Variants in HIVEP3 observed in about 807,000 individuals in gnomAD.
HIVEP3 encodes HIVEP zinc finger 3.
Under a neutral mutation model 152.8 loss-of-function variants are expected in HIVEP3, and 49 were observed. That is an observed-to-expected ratio of 0.32 (90% CI 0.26 to 0.41). HIVEP3 has a LOEUF of 0.41. Among genes scored for constraint, HIVEP3 ranks in the 10% least tolerant of loss-of-function variants. HIVEP3 has a pLI of 1.00. For missense variants in HIVEP3, 2,790 were observed against 3,103.3 expected (o/e 0.90, Z 2.40); for synonymous variants, 1,269 against 1,289.0 (o/e 0.98, Z 0.33).
At chr1:41,586,514 G>GAGCATCTCTGTGCTTGCTTTTTCTCCT (rs71577644) in intron 3 of HIVEP3, among the ~76,000 whole-genome samples, 3,584 of 152,266 alleles carry the variant, frequency 0.024, 62 homozygotes, top group Middle Eastern at 0.082. Context: ...GGTGAGTGAT[G>GAGCATCTCTGTGCTTGCTTTTTCTCCT]AGCATCTCTG....
intron 1 of HIVEP3, among the ~76,000 whole-genome samples, chr1:41,785,886 C>T (rs1649319289): frequency 6.6e-6 from 1 of 152,192 alleles, no homozygotes; most frequent in African/African-American, 2.4e-5. Flanking sequence ...ATCCCAGTTA[C>T]TCAGGAGGCT....
chr1:41,661,590 C>G (rs1645712919), intron 2 of HIVEP3, among the ~76,000 whole-genome samples: 1 of 152,244 alleles, frequency 6.6e-6, no homozygotes, highest in Non-Finnish European at 1.5e-5. Flanking sequence ...GGATCCAGAG[C>G]AATGCTAGTT....
intron 5 of HIVEP3, among the ~76,000 whole-genome samples, chr1:41,537,420 T>C (rs1297885872): frequency 6.6e-6 from 1 of 152,246 alleles, no homozygotes; most frequent in African/African-American, 2.4e-5. Context: ...ACTGTTGCTC[T>C]GAGACCCACT....
intron 1 of HIVEP3, among the ~76,000 whole-genome samples, chr1:41,790,546 T>C (rs957878621): frequency 1.3e-5 from 2 of 152,230 alleles, no homozygotes; most frequent in African/African-American, 4.8e-5. Flanking sequence ...TTTTCAGATG[T>C]ACAAACTGAG....
intron 1 of HIVEP3, among the ~76,000 whole-genome samples, chr1:41,805,900 C>T (rs775397091): frequency 9.1e-4 from 138 of 152,214 alleles, no homozygotes; most frequent in Non-Finnish European, 9.3e-4. Context: ...TGTGTGTACA[C>T]GTGCACGCAC....
intron 1 of HIVEP3, among the ~76,000 whole-genome samples, chr1:41,748,361 T>G (rs1310661315): frequency 6.6e-6 from 1 of 152,204 alleles, no homozygotes; most frequent in Non-Finnish European, 1.5e-5. Flanking sequence ...AACAATGACA[T>G]ACCAAAGCCA....
chr1:41,526,809 AC>A (rs1201727194), intron 5 of HIVEP3, among the ~76,000 whole-genome samples: 30 of 137,848 alleles, frequency 2.2e-4, no homozygotes, highest in Admixed American at 2.2e-3. Flanking sequence ...TCACCCTCAC[AC>A]ATACACCCCC....
At chr1:41,753,163 G>C (rs1647192177) in intron 1 of HIVEP3, among the ~76,000 whole-genome samples, 1 of 152,118 alleles carries the variant, frequency 6.6e-6, no homozygotes, top group Non-Finnish European at 1.5e-5. Context: ...GGAGTGTAGG[G>C]AAAAAGACAC....
In HIVEP3 at chr1:41,918,628, A is replaced by G. The variant is rs1479652972; in HGVS notation, c.-1016T>C. 6.6e-6 allele frequency: 1 copy of G among 152,260 alleles called. No individual in the cohort carries two copies. The highest frequency in any genetic ancestry group is 1.5e-5 in the Non-Finnish European group (1 of 68,060). 9.4% of individuals were successfully genotyped at this position (152,260 alleles called of 1,614,324 possible). On this transcript the variant is annotated 5_prime_UTR_variant, in exon 1 of 9. Coordinates refer to ENST00000372583, the MANE Select transcript of HIVEP3 (RefSeq NM_024503.5). The surrounding 1 kb of genome is among the most constrained non-coding windows in gnomAD (Gnocchi z 4.3). Reference sequence around the variant, plus strand: ...GGCATGCATGCGTGTTTGTATACACACATATGCACACGGAATAGCCATGTA... The same window carrying G: ...GGCATGCATGCGTGTTTGTATACACGCATATGCACACGGAATAGCCATGTA...
intron 1 of HIVEP3, among the ~76,000 whole-genome samples, chr1:42,034,754 C>T (rs1645631718): frequency 6.6e-6 from 1 of 152,140 alleles, no homozygotes; most frequent in Admixed American, 6.5e-5. Flanking sequence ...TTATTTAAAC[C>T]TCAGTGTTTT....
chr1:41,516,883 C>T (rs1003761590), intron 7 of HIVEP3, among the ~76,000 whole-genome samples: 3 of 152,262 alleles, frequency 2.0e-5, no homozygotes, highest in Non-Finnish European at 2.9e-5. Context: ...GGGCCCCAGC[C>T]CTCACTTGGC....
chr1:42,035,367 A>T (rs2124543322), intron 1 of HIVEP3, among the ~76,000 whole-genome samples: 1 of 152,338 alleles, frequency 6.6e-6, no homozygotes, highest in East Asian at 1.9e-4. Flanking sequence ...GGCAAGGCGC[A>T]TCCTCGCCGC....
chr1:41,748,801 C>A (rs538417588), intron 1 of HIVEP3, among the ~76,000 whole-genome samples: 1 of 152,216 alleles, frequency 6.6e-6, no homozygotes, highest in Non-Finnish European at 1.5e-5. Context: ...CGCCCACCAG[C>A]GGGGTCCTTC....
At chr1:41,772,565 A>G (rs1648441740) in intron 1 of HIVEP3, among the ~76,000 whole-genome samples, 1 of 152,212 alleles carries the variant, frequency 6.6e-6, no homozygotes, top group Admixed American at 6.5e-5. Context: ...AGCCATCGGC[A>G]TGGTTTCAGC....
At chr1:41,805,117 G>A (rs1391968739) in intron 1 of HIVEP3, among the ~76,000 whole-genome samples, 5 of 152,082 alleles carry the variant, frequency 3.3e-5, no homozygotes, top group Admixed American at 6.5e-5. Flanking sequence ...CGGGCACATC[G>A]CCTGAGGTCA....
At chr1:41,648,349 C>T (rs1645493361) in intron 2 of HIVEP3, among the ~76,000 whole-genome samples, 2 of 152,178 alleles carry the variant, frequency 1.3e-5, no homozygotes, top group South Asian at 2.1e-4. Context: ...CATCCCTCAC[C>T]TCCACTCAAC....
intron 1 of HIVEP3, among the ~76,000 whole-genome samples, chr1:41,701,917 C>G (rs1646369100): frequency 6.6e-6 from 1 of 152,172 alleles, no homozygotes; most frequent in Non-Finnish European, 1.5e-5. Flanking sequence ...ATGCCCAGCC[C>G]TCTGGCTCAA....
At chr1:41,532,115 T>A (rs184896162) in intron 5 of HIVEP3, among the ~76,000 whole-genome samples, 27 of 100,864 alleles carry the variant, frequency 2.7e-4, no homozygotes, top group African/African-American at 1.0e-3. Flanking sequence ...ACAGGAGAGA[T>A]GGAGGACAGG....
At position 41,720,634 on chromosome 1, in the gene HIVEP3, T is replaced by C. The variant is rs890842929; in HGVS notation, c.-800-19639A>G. On this transcript the variant is annotated intron_variant, in intron 1 of 8. Transcript: ENST00000372583. ...ATGGTGCAGCCACTATGGGGAACAG[T>C]ATGGAAGTTCCTCAACAAATTAAAA... 2.6e-5 allele frequency among the ~76,000 whole-genome samples: 4 copies of C among 152,330 alleles called. No individual in the cohort carries two copies. In the South Asian group the frequency reaches 6.2e-4, roughly 24 times the overall value.
Sources: allele counts gnomAD v4.1 joint callset (sites outside exome capture counted in the v4.1 genomes callset), GRCh38; gene constraint gnomAD v4.1.1; non-coding constraint Gnocchi (gnomAD v3.1); transcripts MANE v1.5; gene names NCBI Gene and HGNC (gene_info 2026-07-23, HGNC 2026-07-21).